ZW10: variants seen among roughly 807,000 people sequenced by gnomAD.
The protein encoded by ZW10 is centromere/kinetochore protein zw10 homolog.
In ZW10, 53 loss-of-function variants were observed where a neutral mutation model predicts 87.8. The observed-to-expected ratio is 0.60, with a 90% CI of 0.48 to 0.76. ZW10 has a LOEUF of 0.76. Ranked by LOEUF, ZW10 falls within the 30% of genes least tolerant of loss-of-function variation. The pLI, the probability that ZW10 is intolerant of heterozygous loss-of-function variation, is 0.00. For missense variants in ZW10, 837 were observed against 923.0 expected (o/e 0.91, Z 1.21); for synonymous variants, 312 against 329.2 (o/e 0.95, Z 0.57).
At chr11:113,742,519 T>C (rs1237298124) in intron 10 of ZW10, among the ~76,000 whole-genome samples, 2 of 152,216 alleles carry the variant, frequency 1.3e-5, no homozygotes, top group African/African-American at 2.4e-5. Flanking sequence ...TTGAGTTTGA[T>C]AATGAAAAAG....
At chr11:113,766,721 A>G (rs1953911138) in intron 2 of ZW10, among the ~76,000 whole-genome samples, 1 of 148,894 alleles carries the variant, frequency 6.7e-6, no homozygotes, top group African/African-American at 2.5e-5. Flanking sequence ...AATTAAAAAA[A>G]AAAAAATCCA....
intron 2 of ZW10, among the ~76,000 whole-genome samples, chr11:113,767,859 C>A (rs1223643931): frequency 6.6e-6 from 1 of 152,164 alleles, no homozygotes; most frequent in Non-Finnish European, 1.5e-5. Flanking sequence ...ACAGTGACAT[C>A]TCTCTATTAC....
At chr11:113,754,289 A>G (rs949323069) in intron 7 of ZW10, among the ~76,000 whole-genome samples, 2 of 152,172 alleles carry the variant, frequency 1.3e-5, no homozygotes, top group Non-Finnish European at 2.9e-5. Context: ...GTTCAAGATC[A>G]GCCTGGGCAA....
At chr11:113,759,686 C>A (rs1177872061) in intron 5 of ZW10, among the ~76,000 whole-genome samples, 1 of 152,156 alleles carries the variant, frequency 6.6e-6, no homozygotes. Context: ...TATTTCTTCA[C>A]CTTGCAAAGC....
intron 9 of ZW10, among the ~76,000 whole-genome samples, chr11:113,744,753 G>A (rs1285770722): frequency 1.3e-5 from 2 of 152,028 alleles, no homozygotes; most frequent in Non-Finnish European, 2.9e-5. Context: ...AAAAGGTCTT[G>A]CTATATGGCC....
intron 3 of ZW10, 100 bp from the exon 4 acceptor site, chr11:113,760,690 C>CG (rs1953848716): frequency 2.0e-6 from 2 of 979,390 alleles, no homozygotes; most frequent in Non-Finnish European, 2.9e-6. Flanking sequence ...CCTCCCCCCT[C>CG]TAAAAAAAAA....
At position 113,773,583 on chromosome 11, in the gene ZW10, G is replaced by C. The variant is rs61749051; in HGVS notation, c.84C>G (p.Thr28=). 1,205 of 1,613,728 alleles carry C rather than the reference G, an allele frequency of 7.5e-4. 6 individuals are homozygous for C. The African/African-American group carries it at 0.013, about 17-fold the overall frequency. ...TCACCTTGATCTCCTCCACCCGCCG[G>C]GTCAGGCGGCTGATCCGGGTCCCCA... The part of the protein sequence containing the change: ...EDLGTRISRL[T]RRVEEIKGEV... Residue 28 remains threonine (T), a synonymous_variant, in exon 1 of 16, where the codon ACC becomes ACG. Coordinates refer to ENST00000200135, the MANE Select transcript of ZW10 (RefSeq NM_004724.4).
intron 15 of ZW10, among the ~76,000 whole-genome samples, chr11:113,735,663 A>C (rs1405940027): frequency 6.6e-6 from 1 of 152,192 alleles, no homozygotes; most frequent in Non-Finnish European, 1.5e-5. Flanking sequence ...CTACCAAGAC[A>C]ATATAAAATC....
At chr11:113,745,529 C>T (rs1349911330) in intron 9 of ZW10, among the ~76,000 whole-genome samples, 1 of 152,110 alleles carries the variant, frequency 6.6e-6, no homozygotes, top group Admixed American at 6.5e-5. Context: ...ACACAAATAT[C>T]AGGGACTGGG....
intron 7 of ZW10, 121 bp from the exon 8 acceptor site, chr11:113,748,541 C>T (rs56173047): frequency 0.19 from 142,934 of 771,286 alleles, 14,316 homozygotes; most frequent in Non-Finnish European, 0.21. Flanking sequence ...CAGATAATTC[C>T]ACAGCCTTCT....
chr11:113,746,495 C>CAAAAAAAAA (rs566009326), intron 9 of ZW10, among the ~76,000 whole-genome samples: 17 of 105,282 alleles, frequency 1.6e-4, no homozygotes, highest in African/African-American at 4.3e-4. Flanking sequence ...ACAAAACAGT[C>CAAAAAAAAA]AAAAAAAAAA....
At position 113,744,192 on chromosome 11, in the gene ZW10, C is replaced by T. The variant is rs1953655989; in HGVS notation, c.1273-152G>A. 2.8e-5 allele frequency: 18 copies of T among 635,602 alleles called. No homozygotes were observed. The South Asian group carries it at 3.5e-4, about 12-fold the overall frequency. 39.4% of individuals were successfully genotyped at this position (635,602 alleles called of 1,614,324 possible). A position where few individuals can be genotyped will look rare whatever the true frequency, so the allele number is the denominator to read the frequency against. ...CACGAGGTCAGGAGATCGAGACCATCCTGGCTAACACGGTGAAACCCCGTC... is the reference window on the plus strand; with the variant it reads ...CACGAGGTCAGGAGATCGAGACCATTCTGGCTAACACGGTGAAACCCCGTC... On this transcript the variant is annotated intron_variant, in intron 9 of 15. Transcript: ENST00000200135.
chr11:113,755,651 A>C (rs974735301), intron 7 of ZW10, among the ~76,000 whole-genome samples: 9 of 150,920 alleles, frequency 6.0e-5, no homozygotes, highest in Middle Eastern at 3.6e-3. Flanking sequence ...AAAAAGTTCT[A>C]CTAGGGGTAA....
intron 15 of ZW10, among the ~76,000 whole-genome samples, chr11:113,734,422 G>A (rs1374774729): frequency 6.6e-6 from 1 of 152,154 alleles, no homozygotes; most frequent in East Asian, 1.9e-4. Flanking sequence ...TGGTGAAAAT[G>A]AGACTAAACA....
chr11:113,752,402 C>A (rs1214741016), intron 7 of ZW10, among the ~76,000 whole-genome samples: 1 of 152,076 alleles, frequency 6.6e-6, no homozygotes, highest in Non-Finnish European at 1.5e-5. Context: ...TACAGGCATA[C>A]TTCATTTTAT....
At chr11:113,739,525 T>C in intron 11 of ZW10, 143 bp from the exon 12 acceptor site, 2 of 684,438 alleles carry the variant, frequency 2.9e-6, no homozygotes, top group Non-Finnish European at 4.6e-6. Context: ...AGATACAATC[T>C]CATCACTCCC....
Position 113,757,761 on chromosome 11 carries a change from G to T in ZW10, c.826C>A (p.Arg276Ser). ...AAGTTAGTCATTATAGATTCAAAACGAATAATAACTATGTTAGGCTGGCTT... is the reference window on the plus strand; with the variant it reads ...AAGTTAGTCATTATAGATTCAAAACTAATAATAACTATGTTAGGCTGGCTT... ...IESQPNIVII[R>S]FESIMTNLEY... Residue 276 changes from arginine to serine, a missense_variant, in exon 7 of 16, where the codon CGT (arginine) becomes AGT (serine). Physicochemically the swap from Arg to Ser is moderately radical, Grantham distance 110. Coordinates refer to ENST00000200135, the MANE Select transcript of ZW10 (RefSeq NM_004724.4). The T allele has an allele frequency of 1.2e-6, 2 of 1,613,702 alleles. No homozygotes were observed. The highest frequency in any genetic ancestry group is 8.5e-7 in the Non-Finnish European group (1 of 1,179,732).
chr11:113,749,008 A>T (rs537018573), intron 7 of ZW10, among the ~76,000 whole-genome samples: 3 of 152,290 alleles, frequency 2.0e-5, no homozygotes, highest in African/African-American at 7.2e-5. Flanking sequence ...CATAAAAGAG[A>T]CTAGCTGTTA....
Position 113,746,504 on chromosome 11 carries a change from AAAAAAAAAAAAC to A in ZW10, c.1272+1015_1272+1026del, listed in dbSNP as rs909383402. Among the ~76,000 whole-genome samples the A allele has an allele frequency of 6.0e-5, 9 of 150,340 alleles. No homozygotes were observed. In the East Asian group the frequency reaches 1.8e-3, roughly 30 times the overall value. On this transcript the variant is annotated intron_variant, in intron 9 of 15. Transcript: ENST00000200135. ...CAGTAAACAAAACAGTCAAAAAAAAAAAAAAAAAAAACAACAACAAAACTCTACCCTCATGGA... is the reference window on the plus strand; with the variant it reads ...CAGTAAACAAAACAGTCAAAAAAAAAAACAACAAAACTCTACCCTCATGGA...
Sources: allele counts gnomAD v4.1 joint callset (sites outside exome capture counted in the v4.1 genomes callset), GRCh38; gene constraint gnomAD v4.1.1; transcripts MANE v1.5; gene names NCBI Gene and HGNC (gene_info 2026-07-23, HGNC 2026-07-21).